KCNIP4: variants seen among roughly 807,000 people sequenced by gnomAD.
KCNIP4 encodes potassium voltage-gated channel interacting protein 4.
A neutral mutation model predicts 34.0 loss-of-function variants in KCNIP4; 12 were observed. That is an observed-to-expected ratio of 0.35 (90% CI 0.23 to 0.57). KCNIP4 has a LOEUF of 0.57. Ranked by LOEUF, KCNIP4 falls within the 20% of genes least tolerant of loss-of-function variation. The pLI is 0.83. For missense variants in KCNIP4, 238 were observed against 311.7 expected, an observed-to-expected ratio of 0.76 and a Z score of 1.78; for synonymous variants, 124 against 102.2, an observed-to-expected ratio of 1.21 and a Z score of -1.29.
chr4:20,764,605 A>G (rs1202117183), intron 3 of KCNIP4, among the ~76,000 whole-genome samples: 3 of 151,786 alleles, frequency 2.0e-5, no homozygotes, highest in Non-Finnish European at 2.9e-5. Flanking sequence ...CGCTGCATCC[A>G]TTCGTGCTGC....
At chr4:21,347,231 A>T (rs1382575847) in intron 1 of KCNIP4, among the ~76,000 whole-genome samples, 1 of 152,346 alleles carries the variant, frequency 6.6e-6, no homozygotes, top group Non-Finnish European at 1.5e-5. Context: ...GGAGAGAATC[A>T]TAATAGCTAG....
intron 1 of KCNIP4, among the ~76,000 whole-genome samples, chr4:20,924,348 G>A (rs575339326): frequency 8.9e-4 from 135 of 152,286 alleles, no homozygotes; most frequent in African/African-American, 3.2e-3. Flanking sequence ...GTGGTACCAA[G>A]CCTAAGCACG....
chr4:21,887,379 C>T (rs1726839300), intron 1 of KCNIP4, among the ~76,000 whole-genome samples: 1 of 152,106 alleles, frequency 6.6e-6, no homozygotes, highest in African/African-American at 2.4e-5. Context: ...CTGGTATCTT[C>T]TTACAAGGAC....
chr4:20,960,250 A>G (rs967174753), intron 1 of KCNIP4, among the ~76,000 whole-genome samples: 18 of 152,160 alleles, frequency 1.2e-4, no homozygotes, highest in African/African-American at 4.3e-4. Context: ...AGTATTTTAT[A>G]GGGAGTCAAA....
chr4:20,938,675 C>G (rs1055808714), intron 1 of KCNIP4, among the ~76,000 whole-genome samples: 1 of 152,130 alleles, frequency 6.6e-6, no homozygotes, highest in Non-Finnish European at 1.5e-5. Flanking sequence ...CCTATCAAAC[C>G]CTTTCCATTG....
intron 3 of KCNIP4, among the ~76,000 whole-genome samples, chr4:20,767,593 T>C (rs1210105164): frequency 6.6e-6 from 1 of 152,206 alleles, no homozygotes; most frequent in Non-Finnish European, 1.5e-5. Context: ...AGAGCTCTGT[T>C]GAAATGCATG....
chr4:20,874,304 T>C (rs899830163), intron 2 of KCNIP4, among the ~76,000 whole-genome samples: 7 of 152,174 alleles, frequency 4.6e-5, no homozygotes, highest in African/African-American at 1.4e-4. Context: ...TTTTTAACTC[T>C]AGTATCTCTC....
chr4:21,641,669 G>A (rs1423257380), intron 1 of KCNIP4, among the ~76,000 whole-genome samples: 1 of 152,152 alleles, frequency 6.6e-6, no homozygotes, highest in Non-Finnish European at 1.5e-5. Flanking sequence ...GTCAGGAGAG[G>A]AGGGACTTTA....
At chr4:21,796,203 C>T (rs1215801175) in intron 1 of KCNIP4, among the ~76,000 whole-genome samples, 2 of 152,092 alleles carry the variant, frequency 1.3e-5, no homozygotes, top group African/African-American at 4.8e-5. Flanking sequence ...TGTTATAGAA[C>T]TTGGTTCATA....
chr4:20,807,394 T>C (rs781467289), intron 3 of KCNIP4, among the ~76,000 whole-genome samples: 17 of 152,162 alleles, frequency 1.1e-4, no homozygotes, highest in Admixed American at 5.9e-4. Context: ...CCAGTGATTC[T>C]ACAAGAGGGG....
At chr4:21,692,795 G>A (rs1006079721) in intron 1 of KCNIP4, among the ~76,000 whole-genome samples, 2 of 150,114 alleles carry the variant, frequency 1.3e-5, no homozygotes, top group Non-Finnish European at 3.0e-5. Flanking sequence ...ACATGTCAGG[G>A]CCACTTGAAC....
At chr4:21,392,831 CAAACA>C (rs2109521202) in intron 1 of KCNIP4, among the ~76,000 whole-genome samples, 1 of 152,236 alleles carries the variant, frequency 6.6e-6, no homozygotes, top group Non-Finnish European at 1.5e-5. Flanking sequence ...GAGACCGAAA[CAAACA>C]AAAGACTAAC....
chr4:21,274,394 ATCTT>A (rs1175739531), intron 1 of KCNIP4, among the ~76,000 whole-genome samples: 1 of 152,210 alleles, frequency 6.6e-6, no homozygotes, highest in Non-Finnish European at 1.5e-5. Context: ...AAAGAAAAGA[ATCTT>A]TATTTCTCCC....
chr4:21,778,224 C>CTTTTTTTTTTTTT (rs757351209), intron 1 of KCNIP4, among the ~76,000 whole-genome samples: 3 of 102,388 alleles, frequency 2.9e-5, no homozygotes, highest in East Asian at 2.3e-4. Context: ...TCCTTTTTTC[C>CTTTTTTTTTTTTT]TTTTTTTTTT....
intron 1 of KCNIP4, among the ~76,000 whole-genome samples, chr4:21,730,970 C>T (rs1715549015): frequency 6.6e-6 from 1 of 151,942 alleles, no homozygotes; most frequent in Non-Finnish European, 1.5e-5. Flanking sequence ...AAAAATTAGC[C>T]AGACGTGGTG....
At chr4:21,421,511 A>C (rs2109627687) in intron 1 of KCNIP4, among the ~76,000 whole-genome samples, 1 of 152,332 alleles carries the variant, frequency 6.6e-6, no homozygotes, top group South Asian at 2.1e-4. Flanking sequence ...TAAGTGAATT[A>C]AGCCAAGCAC....
At chr4:21,660,987 A>T (rs937234271) in intron 1 of KCNIP4, among the ~76,000 whole-genome samples, 13 of 151,994 alleles carry the variant, frequency 8.6e-5, no homozygotes, top group Non-Finnish European at 5.9e-5. Flanking sequence ...CTTTTCCAAG[A>T]CCACTCTGGC....
In KCNIP4 at chr4:21,030,985, A is replaced by G. The variant is rs61638427; in HGVS notation, c.62-148276T>C. On this transcript the variant is annotated intron_variant, in intron 1 of 8. Transcript: ENST00000382152. ...CTGCTTGAGGGTGTTCCCCAGGCCC[A>G]GAGAAACACCTTCAAAGGAGAGAGC... Among the ~76,000 whole-genome samples the G allele has an allele frequency of 3.8e-3, 584 of 152,294 alleles. 3 individuals carry two copies. Among genetic ancestry groups the G allele is most frequent in the African/African-American group, 0.013 (534 of 41,562 alleles).
chr4:21,715,983 T>G (rs1275555290), intron 1 of KCNIP4, among the ~76,000 whole-genome samples: 2 of 152,194 alleles, frequency 1.3e-5, no homozygotes, highest in African/African-American at 4.8e-5. Context: ...CTCTGATTTC[T>G]TCAAGATCAA....
Sources: allele counts gnomAD v4.1 joint callset (sites outside exome capture counted in the v4.1 genomes callset), GRCh38; gene constraint gnomAD v4.1.1; transcripts MANE v1.5; gene names NCBI Gene and HGNC (gene_info 2026-07-23, HGNC 2026-07-21).